Variants in KIF6 observed in about 807,000 individuals in gnomAD.
KIF6 encodes the protein kinesin-like protein KIF6.
Under a neutral mutation model 112.7 loss-of-function variants are expected in KIF6, and 106 were observed. That is an observed-to-expected ratio of 0.94 (90% CI 0.80 to 1.11). The LOEUF (loss-of-function observed/expected upper bound fraction) is 1.11, where lower values mean the gene tolerates loss of function less well. Ranked by LOEUF, KIF6 falls within the 50% of genes least tolerant of loss-of-function variation. KIF6 has a pLI of 0.00. For synonymous variants in KIF6, 339 were observed against 339.9 expected (o/e 1.00, Z 0.03); for missense variants, 929 against 964.0 (o/e 0.96, Z 0.48).
intron 13 of KIF6, among the ~76,000 whole-genome samples, chr6:39,483,944 C>A (rs988882584): frequency 6.6e-6 from 1 of 152,186 alleles, no homozygotes; most frequent in Admixed American, 6.5e-5. Flanking sequence ...AAAAATCAAT[C>A]AGCCATATTC....
At chr6:39,549,227 C>CA (rs374509138) in intron 10 of KIF6, among the ~76,000 whole-genome samples, 2,373 of 139,338 alleles carry the variant, frequency 0.017, 54 homozygotes, top group African/African-American at 0.056. Context: ...ATTCCTTGTA[C>CA]AAAAAAAAAA....
chr6:39,503,638 G>C (rs569442921), intron 13 of KIF6, among the ~76,000 whole-genome samples: 1 of 151,832 alleles, frequency 6.6e-6, no homozygotes, highest in African/African-American at 2.4e-5. Context: ...AAATGATAAG[G>C]GGGATATCAC....
At chr6:39,653,916 T>C (rs1447326041) in intron 3 of KIF6, among the ~76,000 whole-genome samples, 8 of 152,152 alleles carry the variant, frequency 5.3e-5, no homozygotes, top group Non-Finnish European at 8.8e-5. Context: ...GAGCAGAATA[T>C]ACCAGAACTA....
intron 10 of KIF6, among the ~76,000 whole-genome samples, chr6:39,568,567 T>G (rs906689231): frequency 6.6e-6 from 1 of 152,022 alleles, no homozygotes; most frequent in African/African-American, 2.4e-5. Context: ...TTTTTTAATT[T>G]GAGATGGAGT....
chr6:39,481,762 G>A (rs1223178399), intron 13 of KIF6, among the ~76,000 whole-genome samples: 1 of 152,076 alleles, frequency 6.6e-6, no homozygotes, highest in Admixed American at 6.6e-5. Flanking sequence ...GTTCTTGAAC[G>A]TTTCCATCCC....
At chr6:39,373,315 A>G (rs115343719) in intron 16 of KIF6, among the ~76,000 whole-genome samples, 1,665 of 152,308 alleles carry the variant, frequency 0.011, 33 homozygotes, top group African/African-American at 0.038. Context: ...AGAGTAATCA[A>G]TGGTGTCTGT....
intron 15 of KIF6, among the ~76,000 whole-genome samples, chr6:39,393,656 C>G (rs1404450418): frequency 6.6e-6 from 1 of 152,018 alleles, no homozygotes; most frequent in African/African-American, 2.4e-5. Flanking sequence ...ACATTTTAGG[C>G]AATAATAACA....
At chr6:39,640,745 C>G (rs1784859050) in intron 3 of KIF6, among the ~76,000 whole-genome samples, 1 of 152,124 alleles carries the variant, frequency 6.6e-6, no homozygotes, top group South Asian at 2.1e-4. Context: ...CTAAAACACA[C>G]AGGTTTGACT....
In KIF6 at chr6:39,462,726, AC is replaced by A. The variant is rs1773553880; in HGVS notation, c.1646-31566del. Among the ~76,000 whole-genome samples, 3 of 152,118 alleles carry A rather than the reference AC, an allele frequency of 2.0e-5. No homozygotes were observed. In the South Asian group the frequency reaches 6.2e-4, roughly 32 times the overall value. The stretch of plus-strand genomic sequence containing the variant: ...CAAAGCATCTGTCCTTGTCTCAGAG[AC>A]CTTATCATATTTTGTATTTTCCATA... On this transcript the variant is annotated intron_variant, in intron 13 of 22. Transcript: ENST00000287152.
At chr6:39,368,382 G>T (rs1765729460) in intron 16 of KIF6, among the ~76,000 whole-genome samples, 2 of 152,194 alleles carry the variant, frequency 1.3e-5, no homozygotes, top group South Asian at 4.1e-4. Context: ...TGGCACTGCT[G>T]GTAAGCAGAG....
chr6:39,421,204 C>T (rs571980309), intron 14 of KIF6, among the ~76,000 whole-genome samples: 19 of 152,242 alleles, frequency 1.2e-4, no homozygotes, highest in Admixed American at 2.6e-4. Context: ...CACGAGTGAG[C>T]GGAGAGCTGT....
chr6:39,430,931 A>C (rs895404073), intron 14 of KIF6, 122 bp downstream of exon 14: 14 of 585,840 alleles, frequency 2.4e-5, no homozygotes, highest in Non-Finnish European at 4.0e-5. Flanking sequence ...AAACTGAATA[A>C]ACATTATGCT....
At chr6:39,543,143 C>A (rs1778878484) in intron 12 of KIF6, among the ~76,000 whole-genome samples, 1 of 152,164 alleles carries the variant, frequency 6.6e-6, no homozygotes, top group Non-Finnish European at 1.5e-5. Flanking sequence ...CTCCTATATG[C>A]ACAGACATTC....
chr6:39,693,576 A>T (rs1238356150), intron 3 of KIF6, among the ~76,000 whole-genome samples: 1 of 152,196 alleles, frequency 6.6e-6, no homozygotes, highest in Non-Finnish European at 1.5e-5. Context: ...GAGAAAATAG[A>T]TAAATCCTAG....
At chr6:39,589,676 C>T (rs949443732) in intron 7 of KIF6, among the ~76,000 whole-genome samples, 3 of 152,166 alleles carry the variant, frequency 2.0e-5, no homozygotes, top group South Asian at 2.1e-4. Flanking sequence ...ATCAGATCTG[C>T]GGGGGGCATG....
chr6:39,586,286 AG>A lies in KIF6; in HGVS notation c.964del (p.Leu322SerfsTer24). ...GNCMTTMIAT[L>X]SLEKRNLDES... is the part of the protein sequence containing the mutation. ...ATCAAGATTCCTTTTCTCCAAGGAG[AG>A]TGTTGCAATCATAGTTGTCATGCAG... On this transcript the variant is annotated frameshift_variant, in exon 8 of 23. Coordinates refer to ENST00000287152, the MANE Select transcript of KIF6 (RefSeq NM_145027.6). LOFTEE classifies it high-confidence loss of function. The A allele has an allele frequency of 6.2e-7, 1 of 1,614,106 alleles. No individual in the cohort carries two copies. The highest frequency in any genetic ancestry group is 8.5e-7 in the Non-Finnish European group (1 of 1,179,988).
Position 39,342,045 on chromosome 6 carries a change from G to A in KIF6, c.2428+1664C>T, listed in dbSNP as rs1382931558. The stretch of plus-strand genomic sequence containing the variant: ...CAAATCTCTTTCCCCTGTGCATAAG[G>A]CTGGTGTGACTTGGCCCTTGTGCTC... On this transcript the variant is annotated intron_variant, in intron 22 of 22. Coordinates refer to ENST00000287152, the MANE Select transcript of KIF6 (RefSeq NM_145027.6). This position sits in a 1 kb window ranked among gnomAD's most constrained non-coding sequence, Gnocchi z 4.7. Among the ~76,000 whole-genome samples the A allele has an allele frequency of 6.6e-6, 1 of 152,144 alleles. No homozygotes were observed. Among genetic ancestry groups the A allele is most frequent in the Non-Finnish European group, 1.5e-5 (1 of 68,028 alleles).
In KIF6 at chr6:39,330,704, A is replaced by G. The variant is rs1171449462; in HGVS notation, c.*5828T>C. Reference sequence around the variant, plus strand: ...CAGCCCTGCTGGCTGGCACGAGGCCATGGAAAACCCAAATAAAGCAGTTAA... The same window carrying G: ...CAGCCCTGCTGGCTGGCACGAGGCCGTGGAAAACCCAAATAAAGCAGTTAA... On this transcript the variant is annotated 3_prime_UTR_variant, in exon 23 of 23. Coordinates refer to ENST00000287152, the MANE Select transcript of KIF6 (RefSeq NM_145027.6). The G allele has an allele frequency of 6.6e-6, 1 of 152,238 alleles. No individual in the cohort carries two copies. The highest frequency in any genetic ancestry group is 1.5e-5 in the Non-Finnish European group (1 of 68,050). 9.4% of individuals were successfully genotyped at this position (152,238 alleles called of 1,614,324 possible).
chr6:39,638,609 C>T (rs1461818722), intron 4 of KIF6, among the ~76,000 whole-genome samples: 1 of 152,024 alleles, frequency 6.6e-6, no homozygotes, highest in Non-Finnish European at 1.5e-5. Flanking sequence ...TTATGGATGG[C>T]AATTAGAATT....
Sources: allele counts gnomAD v4.1 joint callset (sites outside exome capture counted in the v4.1 genomes callset), GRCh38; gene constraint gnomAD v4.1.1; non-coding constraint Gnocchi (gnomAD v3.1); transcripts MANE v1.5; gene names NCBI Gene and HGNC (gene_info 2026-07-23, HGNC 2026-07-21).